LIMCH1: variants seen among roughly 807,000 people sequenced by gnomAD.
LIMCH1 encodes LIM and calponin homology domains 1.
A neutral mutation model predicts 176.5 loss-of-function variants in LIMCH1; 113 were observed. That is an observed-to-expected ratio of 0.64 (90% CI 0.55 to 0.75). The LOEUF (loss-of-function observed/expected upper bound fraction) is 0.75. Among genes scored for constraint, LIMCH1 ranks in the 30% least tolerant of loss-of-function variants. The pLI is 0.00. For missense variants in LIMCH1, 1,674 were observed against 1,814.9 expected (o/e 0.92, Z 1.41); for synonymous variants, 619 against 645.9 (o/e 0.96, Z 0.63).
chr4:41,552,492 T>C (rs1219139813), intron 1 of LIMCH1, among the ~76,000 whole-genome samples: 1 of 151,772 alleles, frequency 6.6e-6, no homozygotes, highest in African/African-American at 2.4e-5. Context: ...TCGCGTTACT[T>C]TGGAGGCTTT....
chr4:41,382,363 A>G (rs1306476873), intron 1 of LIMCH1, among the ~76,000 whole-genome samples: 1 of 144,302 alleles, frequency 6.9e-6, no homozygotes, highest in Non-Finnish European at 1.5e-5. Context: ...GTGCCTTGGT[A>G]TGAACTGGGG....
chr4:41,499,306 G>T (rs1461586342), intron 2 of LIMCH1, among the ~76,000 whole-genome samples: 1 of 152,130 alleles, frequency 6.6e-6, no homozygotes, highest in Non-Finnish European at 1.5e-5. Flanking sequence ...ATCTCTTCAT[G>T]TGTATATATG....
intron 3 of LIMCH1, among the ~76,000 whole-genome samples, chr4:41,605,208 C>T (rs1372046234): frequency 6.6e-6 from 1 of 152,128 alleles, no homozygotes; most frequent in African/African-American, 2.4e-5. Flanking sequence ...TACTCATAGA[C>T]ATTCTTAAAT....
chr4:41,534,662 T>G (rs1337331146), upstream of LIMCH1, among the ~76,000 whole-genome samples: 2 of 152,222 alleles, frequency 1.3e-5, no homozygotes, highest in South Asian at 2.1e-4. Flanking sequence ...TGGACTATTT[T>G]GAAGTTAAAT....
At chr4:41,382,769 G>T (rs774837446) in intron 1 of LIMCH1, among the ~76,000 whole-genome samples, 2 of 152,168 alleles carry the variant, frequency 1.3e-5, no homozygotes, top group African/African-American at 2.4e-5. Context: ...TCCACGTCTC[G>T]TGAAGGCAGA....
chr4:41,659,380 A>G (rs2094549159), intron 18 of LIMCH1, among the ~76,000 whole-genome samples: 1 of 152,172 alleles, frequency 6.6e-6, no homozygotes, highest in South Asian at 2.1e-4. Context: ...GAGGATTTCA[A>G]AACTACTCCA....
rs1009914806 is a variant in LIMCH1, at chr4:41,689,130, T to C, written c.4167-397T>C. On this transcript the variant is annotated intron_variant, in intron 29 of 31. Transcript: ENST00000503057. ...CTATAGTGGACCAGTGAACCACTTA[T>C]GGGAAATTTAAAAGCAATATTGAAA... Among the ~76,000 whole-genome samples the C allele has an allele frequency of 4.6e-5, 7 of 152,158 alleles. No homozygotes were observed. The South Asian group carries it at 6.2e-4, about 14-fold the overall frequency.
chr4:41,479,585 T>C (rs1360203906), intron 1 of LIMCH1, among the ~76,000 whole-genome samples: 1 of 152,208 alleles, frequency 6.6e-6, no homozygotes, highest in Non-Finnish European at 1.5e-5. Flanking sequence ...GATGCCCTAA[T>C]ATCATCAAAT....
At chr4:41,443,923 A>C (rs1212514527) in intron 1 of LIMCH1, among the ~76,000 whole-genome samples, 2 of 152,226 alleles carry the variant, frequency 1.3e-5, no homozygotes, top group Non-Finnish European at 2.9e-5. Flanking sequence ...GAATATGCTC[A>C]CTTAAAACTC....
intron 2 of LIMCH1, among the ~76,000 whole-genome samples, chr4:41,521,235 G>A (rs972294827): frequency 6.6e-6 from 1 of 152,168 alleles, no homozygotes; most frequent in African/African-American, 2.4e-5. Flanking sequence ...GGCCTAAGAG[G>A]TGAAAACTGT....
intron 13 of LIMCH1, among the ~76,000 whole-genome samples, chr4:41,638,620 G>A (rs530468462): frequency 5.5e-4 from 83 of 152,272 alleles, no homozygotes; most frequent in African/African-American, 1.9e-3. Context: ...TTCTCTAAAC[G>A]CTGTGGATTG....
chr4:41,548,855 C>A (rs185943247), intron 1 of LIMCH1, among the ~76,000 whole-genome samples: 385 of 152,208 alleles, frequency 2.5e-3, no homozygotes, highest in African/African-American at 8.7e-3. Context: ...AGGCCAAGAA[C>A]ATTGGACTGG....
intron 1 of LIMCH1, among the ~76,000 whole-genome samples, chr4:41,491,493 C>T (rs149422856): frequency 0.012 from 1,794 of 146,414 alleles, 36 homozygotes; most frequent in African/African-American, 0.043. Context: ...CCTCACTTCC[C>T]AGACAGAGTG....
At chr4:41,434,245 C>A (rs1308894458) in intron 1 of LIMCH1, among the ~76,000 whole-genome samples, 1 of 152,184 alleles carries the variant, frequency 6.6e-6, no homozygotes, top group Non-Finnish European at 1.5e-5. Context: ...CCAGAGCTGG[C>A]TGTGGCACCA....
intron 1 of LIMCH1, among the ~76,000 whole-genome samples, chr4:41,374,932 T>A (rs2154099320): frequency 6.6e-6 from 1 of 152,266 alleles, no homozygotes; most frequent in Middle Eastern, 3.4e-3. Flanking sequence ...TCATTCATGA[T>A]CACCAGGGAA....
intron 21 of LIMCH1, among the ~76,000 whole-genome samples, chr4:41,669,285 C>T (rs1263008112): frequency 6.6e-6 from 1 of 152,122 alleles, no homozygotes; most frequent in Non-Finnish European, 1.5e-5. Context: ...AGCTCAATAC[C>T]TGGCCCAGAA....
rs376071888 is a variant in LIMCH1 at position 41,682,334 on chromosome 4, A to G, written c.3719A>G (p.Asn1240Ser). ...GATTTTCATTGTTTTTCTCCTTAGA[A>G]TAAGATAGACCTGGGAAACTGTCAA... Reference protein sequence around the residue: ...SSMTEGSGTMNKIDLGNCQDE... With the variant: ...SSMTEGSGTMSKIDLGNCQDE... Residue 1240 changes from asparagine to serine, a missense_variant and splice_region_variant, in exon 26 of 32, where the codon AAT becomes AGT. Coordinates refer to ENST00000503057, the MANE Select transcript of LIMCH1 (RefSeq NM_001330672.2). 6 of 1,609,538 alleles carry G rather than the reference A, an allele frequency of 3.7e-6. No homozygotes were observed. In the African/African-American group the frequency reaches 5.3e-5, roughly 14 times the overall value.
At chr4:41,661,804 G>A in intron 19 of LIMCH1, 2 of 385,574 alleles carry the variant, frequency 5.2e-6, no homozygotes, top group East Asian at 5.9e-5. Context: ...TATAAATCAT[G>A]CTAAAAATTG....
chr4:41,636,230 CTT>C (rs76076652), intron 13 of LIMCH1, among the ~76,000 whole-genome samples: 16 of 136,826 alleles, frequency 1.2e-4, no homozygotes, highest in Admixed American at 1.5e-4. Flanking sequence ...ACTTTATTGA[CTT>C]TTTTTTTTTT....
Sources: allele counts gnomAD v4.1 joint callset (sites outside exome capture counted in the v4.1 genomes callset), GRCh38; gene constraint gnomAD v4.1.1; transcripts MANE v1.5; gene names NCBI Gene and HGNC (gene_info 2026-07-23, HGNC 2026-07-21).